The following PCDHA10 variants were observed in gnomAD, a reference collection of about 807,000 sequenced individuals.
PCDHA10 encodes protocadherin alpha-10.
A neutral mutation model predicts 61.2 loss-of-function variants in PCDHA10; 45 were observed. That is an observed-to-expected ratio of 0.74 (90% CI 0.58 to 0.94). The LOEUF (loss-of-function observed/expected upper bound fraction) is 0.94, where lower values mean the gene tolerates loss of function less well. PCDHA10 is among the 40% of genes least tolerant of loss of function. PCDHA10 has a pLI of 0.00. For synonymous variants in PCDHA10, 602 were observed against 548.8 expected (o/e 1.10, Z -1.35); for missense variants, 1,278 against 1,236.2 (o/e 1.03, Z -0.51).
At chr5:140,943,267 AAAAAAAAAAAG>A in intron 1 of PCDHA10, among the ~76,000 whole-genome samples, 2 of 150,426 alleles carry the variant, frequency 1.3e-5, no homozygotes, top group South Asian at 2.1e-4. Context: ...CAAAAAAAAA[AAAAAAAAAAAG>A]AAAGAAAGAA....
chr5:140,936,151 C>T (rs947807537), intron 1 of PCDHA10, among the ~76,000 whole-genome samples: 66 of 152,246 alleles, frequency 4.3e-4, no homozygotes, highest in African/African-American at 1.5e-3. Context: ...CCTTGGCCTC[C>T]TAAAGTGCTG....
At chr5:140,992,236 G>A (rs1431521103) in intron 3 of PCDHA10, among the ~76,000 whole-genome samples, 1 of 152,168 alleles carries the variant, frequency 6.6e-6, no homozygotes, top group African/African-American at 2.4e-5. Context: ...GAAGAGTAAG[G>A]AAGGAAGTAG....
chr5:140,967,210 C>A, intron 1 of PCDHA10: 1 of 1,613,674 alleles, frequency 6.2e-7, no homozygotes, highest in Non-Finnish European at 8.5e-7. Flanking sequence ...CACCGCGTTT[C>A]CCGCGGCCCA....
In PCDHA10 at chr5:140,884,626, A is replaced by G. The variant is rs782131642; in HGVS notation, c.2388+26190A>G. 9 of 1,613,602 alleles carry G rather than the reference A, an allele frequency of 5.6e-6. No individual in the cohort carries two copies. In the Admixed American group the frequency reaches 1.5e-4, roughly 27 times the overall value. ...CTTGTCTGGGTTCTGCAGAGGGAAC[A>G]GGCCAGAGGGAGGAGGACTCAGAAT... On this transcript the variant is annotated intron_variant, in intron 1 of 3. Transcript: ENST00000307360.
At chr5:140,930,258 ATTTCT>A (rs1398620749) in intron 1 of PCDHA10, 6 of 152,342 alleles carry the variant, frequency 3.9e-5, no homozygotes, top group African/African-American at 1.4e-4. Flanking sequence ...CTTGGATTTA[ATTTCT>A]TTTATTTTAG....
At chr5:140,880,083 A>G (rs1453702460) in intron 1 of PCDHA10, among the ~76,000 whole-genome samples, 2 of 152,242 alleles carry the variant, frequency 1.3e-5, no homozygotes, top group African/African-American at 4.8e-5. Context: ...TCAACCTATT[A>G]TAGTAGGCTT....
At chr5:140,982,234 A>C (rs1039012011) in intron 2 of PCDHA10, 1 of 643,856 alleles carries the variant, frequency 1.6e-6, no homozygotes. Flanking sequence ...AAAAAACAGA[A>C]TTGCCATAAA....
chr5:140,914,504 T>A (rs1554196424), intron 1 of PCDHA10, among the ~76,000 whole-genome samples: 1 of 152,202 alleles, frequency 6.6e-6, no homozygotes, highest in Non-Finnish European at 1.5e-5. Flanking sequence ...AACAGATCAT[T>A]GGGTCATGTT....
At chr5:140,914,761 G>A (rs2076826214) in intron 1 of PCDHA10, among the ~76,000 whole-genome samples, 1 of 151,734 alleles carries the variant, frequency 6.6e-6, no homozygotes, top group Non-Finnish European at 1.5e-5. Context: ...GAGGTTACAT[G>A]AGGTTTATGA....
intron 1 of PCDHA10, chr5:140,868,028 G>A (rs1380913243): frequency 2.0e-5 from 3 of 152,006 alleles, no homozygotes; most frequent in Non-Finnish European, 4.4e-5. Flanking sequence ...ACCAATGTTG[G>A]TGACTTGGAA....
chr5:140,875,426 A>G, intron 1 of PCDHA10: 1 of 1,532,482 alleles, frequency 6.5e-7, no homozygotes, highest in Non-Finnish European at 8.7e-7. Context: ...CAGGCAAGCG[A>G]TCCCTTAAAA....
chr5:140,993,535 GAGAT>G (rs2097571300), intron 3 of PCDHA10, among the ~76,000 whole-genome samples: 1 of 151,900 alleles, frequency 6.6e-6, no homozygotes, highest in African/African-American at 2.4e-5. Context: ...GAGAGAGAGA[GAGAT>G]AGAGAAGTGA....
chr5:140,928,082 T>G, intron 1 of PCDHA10: 1 of 1,614,212 alleles, frequency 6.2e-7, no homozygotes, highest in Non-Finnish European at 8.5e-7. Context: ...TACTACAGCC[T>G]GCTGATTGAT....
At chr5:140,881,471 G>T (rs1420508750) in intron 1 of PCDHA10, 1 of 555,772 alleles carries the variant, frequency 1.8e-6, no homozygotes, top group Non-Finnish European at 2.3e-6. Flanking sequence ...CATTGTTGTG[G>T]CTAAATTATT....
intron 1 of PCDHA10, chr5:140,927,723 A>G: frequency 6.2e-7 from 1 of 1,614,220 alleles, no homozygotes; most frequent in Non-Finnish European, 8.5e-7. Context: ...ACAGCACGCA[A>G]GCAGAGCTGC....
intron 3 of PCDHA10, among the ~76,000 whole-genome samples, chr5:141,008,415 C>T (rs782593921): frequency 2.0e-5 from 3 of 152,138 alleles, no homozygotes; most frequent in Non-Finnish European, 4.4e-5. Flanking sequence ...ATGTCATGGC[C>T]ACTGGGATCA....
intron 1 of PCDHA10, chr5:140,881,486 T>G: frequency 2.8e-6 from 1 of 355,652 alleles, no homozygotes; most frequent in African/African-American, 2.2e-5. Flanking sequence ...ATTATTGTGT[T>G]TATGCACATA....
intron 1 of PCDHA10, among the ~76,000 whole-genome samples, chr5:140,872,788 G>A (rs1419437796): frequency 6.6e-6 from 1 of 152,076 alleles, no homozygotes. Context: ...ATATATGCTA[G>A]TTGGCATTCT....
intron 1 of PCDHA10, chr5:140,875,562 G>A (rs2055601257): frequency 6.2e-7 from 1 of 1,614,120 alleles, no homozygotes; most frequent in Non-Finnish European, 8.5e-7. Context: ...GGAGCGGCCA[G>A]CTCCACTACT....
Sources: allele counts gnomAD v4.1 joint callset (sites outside exome capture counted in the v4.1 genomes callset), GRCh38; gene constraint gnomAD v4.1.1; transcripts MANE v1.5; gene names NCBI Gene and HGNC (gene_info 2026-07-23, HGNC 2026-07-21).